Variants in NHLRC2 observed in about 807,000 individuals in gnomAD.
NHLRC2 encodes the protein NHL repeat-containing protein 2.
In NHLRC2, 33 loss-of-function variants were observed where a neutral mutation model predicts 68.1. That is an observed-to-expected ratio of 0.48 (90% CI 0.37 to 0.65). NHLRC2 has a LOEUF of 0.65. NHLRC2 is among the 30% of genes least tolerant of loss of function. The pLI is 0.00. For synonymous variants in NHLRC2, 311 were observed against 309.6 expected (o/e 1.00, Z -0.05); for missense variants, 761 against 853.8 (o/e 0.89, Z 1.35).
In NHLRC2 at chr10:113,903,558, G is replaced by A; in HGVS notation, c.1526G>A (p.Cys509Tyr). Reference protein sequence around the residue: ...IKVVDPKTKNCTTLAGTGDTN... With the variant: ...IKVVDPKTKNYTTLAGTGDTN... ...GTTGTGGATCCAAAAACAAAAAACTGTACAACATTAGCAGGAACTGGAGAC... is the reference window on the plus strand; with the variant it reads ...GTTGTGGATCCAAAAACAAAAAACTATACAACATTAGCAGGAACTGGAGAC... Residue 509 changes from cysteine to tyrosine, a missense_variant, in exon 9 of 11, where the codon TGT becomes TAT. Coordinates refer to ENST00000369301, the MANE Select transcript of NHLRC2 (RefSeq NM_198514.4). 2 of 1,608,568 alleles carry A rather than the reference G, an allele frequency of 1.2e-6. No homozygotes were observed. Among genetic ancestry groups the A allele is most frequent in the Non-Finnish European group, 8.5e-7 (1 of 1,178,014 alleles).
intron 9 of NHLRC2, 71 bp downstream of exon 9, chr10:113,903,807 C>A: frequency 1.1e-6 from 1 of 910,082 alleles, no homozygotes; most frequent in South Asian, 1.4e-5. Context: ...ACAGCACTGA[C>A]AGAGGCATTT....
chr10:113,912,425 A>T lies in NHLRC2; in HGVS notation c.*3889A>T, dbSNP rs978017282. Reference sequence around the variant, plus strand: ...AGAGAAATGTTTTATAATGAAGCATATAACTATTTTATAAACAACATTGTA... The same window carrying T: ...AGAGAAATGTTTTATAATGAAGCATTTAACTATTTTATAAACAACATTGTA... On this transcript the variant is annotated 3_prime_UTR_variant, in exon 11 of 11. Transcript: ENST00000369301. 3 of 152,214 alleles carry T rather than the reference A, an allele frequency of 2.0e-5. No homozygotes were observed. The highest frequency in any genetic ancestry group is 7.2e-5 in the African/African-American group (3 of 41,464). The allele number at this position is 152,214 out of a possible 1,614,324, so 9.4% of individuals were successfully genotyped here.
At chr10:113,885,335 T>C (rs967214475) in intron 5 of NHLRC2, among the ~76,000 whole-genome samples, 5 of 151,998 alleles carry the variant, frequency 3.3e-5, no homozygotes, top group South Asian at 4.1e-4. Context: ...ATTCTACTTA[T>C]GGAATTGTAT....
chr10:113,868,953 CA>C (rs753827992), intron 2 of NHLRC2, among the ~76,000 whole-genome samples: 95 of 152,178 alleles, frequency 6.2e-4, no homozygotes, highest in Middle Eastern at 3.4e-3. Context: ...GAATATACTG[CA>C]GGAGGAAAAG....
intron 5 of NHLRC2, among the ~76,000 whole-genome samples, chr10:113,890,598 A>G (rs1231693155): frequency 6.6e-6 from 1 of 151,930 alleles, no homozygotes; most frequent in Non-Finnish European, 1.5e-5. Context: ...GACTTCAGTT[A>G]CTCATGTTAG....
At chr10:113,858,477 A>G (rs375777711) in intron 1 of NHLRC2, 51 bp from the exon 2 acceptor site, 63 of 1,346,824 alleles carry the variant, frequency 4.7e-5, no homozygotes, top group Admixed American at 1.0e-4. Context: ...AGTTTTAGGT[A>G]AATTTTATCT....
At chr10:113,898,303 G>A (rs1376915975) in intron 6 of NHLRC2, 94 bp downstream of exon 6, 12 of 761,674 alleles carry the variant, frequency 1.6e-5, no homozygotes, top group Admixed American at 1.1e-4. Context: ...TACCAGTCAG[G>A]ATGTGCTAGG....
intron 8 of NHLRC2, 36 bp downstream of exon 8, chr10:113,902,629 T>A (rs200395053): frequency 1.3e-4 from 199 of 1,580,326 alleles, no homozygotes; most frequent in Non-Finnish European, 1.7e-4. Flanking sequence ...ATCTTGCTTT[T>A]TGTGTGTGGC....
chr10:113,878,424 G>A (rs1345617259), intron 3 of NHLRC2, among the ~76,000 whole-genome samples: 1 of 152,144 alleles, frequency 6.6e-6, no homozygotes, highest in Non-Finnish European at 1.5e-5. Flanking sequence ...TAGGTAATTA[G>A]TTCCATTTTA....
intron 2 of NHLRC2, among the ~76,000 whole-genome samples, chr10:113,868,845 G>A (rs553458599): frequency 6.6e-6 from 1 of 152,304 alleles, no homozygotes; most frequent in East Asian, 1.9e-4. Flanking sequence ...GCTTTAGTAG[G>A]TGAGAACAGA....
chr10:113,902,313 A>G (rs1846236112), intron 7 of NHLRC2, among the ~76,000 whole-genome samples, 158 bp from the exon 8 acceptor site: 1 of 152,138 alleles, frequency 6.6e-6, no homozygotes, highest in South Asian at 2.1e-4. Context: ...TTTTTTTCTA[A>G]TCTGAATGAA....
At chr10:113,865,208 C>G (rs1285893598) in intron 2 of NHLRC2, among the ~76,000 whole-genome samples, 2 of 151,960 alleles carry the variant, frequency 1.3e-5, no homozygotes, top group African/African-American at 4.8e-5. Flanking sequence ...CTCGGCCTCC[C>G]AAAGTGCTGG....
At chr10:113,868,841 G>C (rs1280260088) in intron 2 of NHLRC2, among the ~76,000 whole-genome samples, 1 of 152,208 alleles carries the variant, frequency 6.6e-6, no homozygotes, top group Non-Finnish European at 1.5e-5. Flanking sequence ...CGTGGCTTTA[G>C]TAGGTGAGAA....
chr10:113,874,212 C>G (rs1218239065), intron 2 of NHLRC2, among the ~76,000 whole-genome samples: 2 of 152,136 alleles, frequency 1.3e-5, no homozygotes, highest in Non-Finnish European at 2.9e-5. Flanking sequence ...ACACTAGGTA[C>G]TATGCTAAAT....
At chr10:113,856,273 T>C (rs1013375314) in intron 1 of NHLRC2, among the ~76,000 whole-genome samples, 5 of 152,348 alleles carry the variant, frequency 3.3e-5, no homozygotes, top group Admixed American at 1.3e-4. Context: ...TGAAACCACA[T>C]GTATAGTTAA....
Position 113,886,086 on chromosome 10 carries a change from A to G in NHLRC2, c.1039+1706A>G, listed in dbSNP as rs76908995. 5.5e-3 allele frequency among the ~76,000 whole-genome samples: 830 copies of G among 152,236 alleles called. 8 individuals are homozygous for G. Among genetic ancestry groups the G allele is most frequent in the African/African-American group, 0.018 (750 of 41,590 alleles). On this transcript the variant is annotated intron_variant, in intron 5 of 10. Coordinates refer to ENST00000369301, the MANE Select transcript of NHLRC2 (RefSeq NM_198514.4). ...ATACAAAAATTAATAGTGTTTCTAT[A>G]TACTAACAGTGAACTATCCAAAAAG...
At chr10:113,887,984 C>A (rs1245803500) in intron 5 of NHLRC2, among the ~76,000 whole-genome samples, 1 of 152,056 alleles carries the variant, frequency 6.6e-6, no homozygotes, top group Non-Finnish European at 1.5e-5. Flanking sequence ...AATCCCAGCA[C>A]TTTGGGAGGC....
At chr10:113,869,614 C>T (rs146575610) in intron 2 of NHLRC2, among the ~76,000 whole-genome samples, 310 of 152,260 alleles carry the variant, frequency 2.0e-3, no homozygotes, top group South Asian at 5.6e-3. Flanking sequence ...GCGTTCTCTG[C>T]ACCTAACACC....
At chr10:113,908,226 C>G in intron 10 of NHLRC2, 54 bp from the exon 11 acceptor site, 1 of 1,354,160 alleles carries the variant, frequency 7.4e-7, no homozygotes, top group Non-Finnish European at 1.0e-6. Context: ...ATAAGATGTT[C>G]CCAGTTTTCT....
Sources: gnomAD v4.1 joint callset for allele counts (sites outside exome capture counted in the v4.1 genomes callset) on GRCh38, gnomAD v4.1.1 for gene constraint, MANE v1.5 for transcripts, NCBI Gene and HGNC (gene_info 2026-07-23, HGNC 2026-07-21) for gene names.